Variants in POTEM observed in about 807,000 individuals in gnomAD.
The protein encoded by POTEM is putative POTE ankyrin domain family member M.
For synonymous variants in POTEM, 8 were observed against 113.2 expected, an observed-to-expected ratio of 0.07 and a Z score of 5.90; for missense variants, 24 against 343.0, an observed-to-expected ratio of 0.07 and a Z score of 7.35.
At chr14:18,969,306 C>G (rs79386178) in intron 1 of POTEM, among the ~76,000 whole-genome samples, 1 of 45,592 alleles carries the variant, frequency 2.2e-5, no homozygotes, top group African/African-American at 1.0e-4. Context: ...TATGTATATA[C>G]GTATATATAT....
At chr14:18,969,332 T>TAC (rs1890849638) in intron 1 of POTEM, among the ~76,000 whole-genome samples, 1 of 121,530 alleles carries the variant, frequency 8.2e-6, no homozygotes, top group African/African-American at 3.6e-5. Flanking sequence ...TATATATATA[T>TAC]ACGTATATAC....
intron 7 of POTEM, among the ~76,000 whole-genome samples, chr14:18,986,539 G>T (rs1419775288): frequency 7.3e-5 from 10 of 137,486 alleles, no homozygotes; most frequent in African/African-American, 2.9e-4. Flanking sequence ...TTTATCTACT[G>T]TCATTAGTAC....
chr14:18,985,832 G>A (rs540355245), intron 7 of POTEM, among the ~76,000 whole-genome samples: 1 of 143,492 alleles, frequency 7.0e-6, no homozygotes, highest in African/African-American at 2.8e-5. Flanking sequence ...ATGAACCTGG[G>A]GGGTGGAGCT....
chr14:19,002,695 G>A lies in POTEM; in HGVS notation c.*4030G>A, dbSNP rs1369691281. Among the ~76,000 whole-genome samples the A allele has an allele frequency of 2.0e-3, 301 of 150,814 alleles. No homozygotes were observed. The highest frequency in any genetic ancestry group is 0.019 in the Admixed American group (263 of 14,026). On this transcript the variant is annotated 3_prime_UTR_variant, in exon 11 of 11. Coordinates refer to ENST00000547889, the MANE Select transcript of POTEM (RefSeq NM_001145442.1). ...CTCAGATGCCCATACCATAGTTTCT[G>A]TGCTAGTGGACCGTACCATATCAGT...
At chr14:18,976,867 A>AG (rs1890965018) in intron 4 of POTEM, among the ~76,000 whole-genome samples, 1 of 137,836 alleles carries the variant, frequency 7.3e-6, no homozygotes, top group African/African-American at 2.8e-5. Context: ...CTTACTTGCT[A>AG]GGTGTGTGAC....
intron 1 of POTEM, among the ~76,000 whole-genome samples, chr14:18,969,322 T>TGGGG (rs1890848093): frequency 2.2e-5 from 2 of 88,944 alleles, no homozygotes; most frequent in African/African-American, 9.7e-5. Flanking sequence ...TATATGTATA[T>TGGGG]ATATATATAT....
At chr14:18,986,843 T>C (rs1469558754) in intron 7 of POTEM, among the ~76,000 whole-genome samples, 1 of 151,898 alleles carries the variant, frequency 6.6e-6, no homozygotes, top group Admixed American at 6.6e-5. Context: ...TTGGTAGATT[T>C]AACACATAAC....
intron 1 of POTEM, among the ~76,000 whole-genome samples, chr14:18,968,844 C>G (rs1316604159): frequency 6.9e-6 from 1 of 145,104 alleles, no homozygotes; most frequent in African/African-American, 2.6e-5. Flanking sequence ...AAAAAGTGAG[C>G]TTTTTCTATT....
At chr14:18,997,180 GT>G in intron 10 of POTEM, 21 bp downstream of exon 10, 1 of 475,698 alleles carries the variant, frequency 2.1e-6, no homozygotes, top group Non-Finnish European at 3.7e-6. Context: ...ATTTTCAAAT[GT>G]TTTTATATGT....
chr14:18,991,133 C>G (rs1251665466), intron 9 of POTEM, among the ~76,000 whole-genome samples: 2 of 131,230 alleles, frequency 1.5e-5, no homozygotes, highest in Non-Finnish European at 3.5e-5. Context: ...ATCTGCCTGC[C>G]TTGGCCTCAC....
At chr14:18,968,220 C>T (rs1261874997) in intron 1 of POTEM, among the ~76,000 whole-genome samples, 100 of 151,776 alleles carry the variant, frequency 6.6e-4, no homozygotes, top group Non-Finnish European at 8.9e-4. Context: ...TTATAATTTC[C>T]CTCCTAGAAC....
At chr14:18,974,742 C>CTTT (rs112378752) in intron 3 of POTEM, 8,140 of 181,134 alleles carry the variant, frequency 0.045, 165 homozygotes, top group African/African-American at 0.19. Flanking sequence ...ATTAATCTGA[C>CTTT]TTTTTTTTTT....
At chr14:18,986,487 C>A (rs1891185658) in intron 7 of POTEM, among the ~76,000 whole-genome samples, 1 of 129,542 alleles carries the variant, frequency 7.7e-6, no homozygotes, top group Admixed American at 7.6e-5. Context: ...CAATAACATT[C>A]TAATTTATTT....
chr14:18,969,320 TATATATATATATAC>T (rs1890847601), intron 1 of POTEM, among the ~76,000 whole-genome samples: 1 of 53,540 alleles, frequency 1.9e-5, no homozygotes, highest in Non-Finnish European at 3.3e-5. Flanking sequence ...TATATATGTA[TATATATATATATAC>T]GTATATACAT....
intron 1 of POTEM, among the ~76,000 whole-genome samples, chr14:18,968,822 CAAA>C (rs71222663): frequency 1.4e-5 from 2 of 145,798 alleles, no homozygotes; most frequent in Non-Finnish European, 1.5e-5. Flanking sequence ...GACTCCGTCT[CAAA>C]AAAAAAAAAA....
intron 9 of POTEM, among the ~76,000 whole-genome samples, chr14:18,996,501 C>T (rs1338124145): frequency 1.6e-5 from 2 of 127,638 alleles, no homozygotes; most frequent in African/African-American, 6.4e-5. Context: ...CTCTCTGTCG[C>T]TCGCATTACC....
chr14:18,969,357 G>A lies in POTEM; in HGVS notation c.521+1351G>A, dbSNP rs1365769724. Among the ~76,000 whole-genome samples, 363 of 105,372 alleles carry A rather than the reference G, an allele frequency of 3.4e-3. 8 individuals are homozygous for A. The highest frequency in any genetic ancestry group is 0.015 in the African/African-American group (352 of 23,300). 69.1% of individuals were successfully genotyped at this position (105,372 alleles called of 152,430 possible). ...TACGTATATACATATATATACATGT[G>A]TATATATATATATATATATATACAC... On this transcript the variant is annotated intron_variant, in intron 1 of 10. Transcript: ENST00000547889.
At chr14:18,983,182 CTAG>C (rs1566541134) in intron 6 of POTEM, among the ~76,000 whole-genome samples, 1 of 129,684 alleles carries the variant, frequency 7.7e-6, no homozygotes, top group African/African-American at 3.4e-5. Flanking sequence ...AACTTGCATC[CTAG>C]TAGTCTGACT....
At position 18,970,928 on chromosome 14, in the gene POTEM, TGA is replaced by T. The variant is rs1447505447; in HGVS notation, c.522-1830_522-1829del. 1.0e-4 allele frequency among the ~76,000 whole-genome samples: 5 copies of T among 49,350 alleles called. No homozygotes were observed. The South Asian group carries it at 2.4e-3, about 24-fold the overall frequency. 32.4% of individuals were successfully genotyped at this position (49,350 alleles called of 152,430 possible). On this transcript the variant is annotated intron_variant, in intron 1 of 10. Transcript: ENST00000547889. ...AAAAGTATGAATTAATCATTTTAGT[TGA>T]GTTATATATTTATGAAAATTAAAAT...
Sources: allele counts gnomAD v4.1 joint callset (sites outside exome capture counted in the v4.1 genomes callset), GRCh38; gene constraint gnomAD v4.1.1; transcripts MANE v1.5; gene names NCBI Gene and HGNC (gene_info 2026-07-23, HGNC 2026-07-21).